SLF1: variants seen among roughly 807,000 people sequenced by gnomAD.
The protein encoded by SLF1 is SMC5-SMC6 complex localization factor protein 1.
SLF1 carries 105 observed loss-of-function variants against 123.0 expected under a neutral mutation model. That is an observed-to-expected ratio of 0.85 (90% confidence interval 0.73 to 1.00). The LOEUF is 1.00. SLF1 is among the 50% of genes least tolerant of loss of function. The probability of loss-of-function intolerance (pLI) is 0.00; values close to 1 mark genes in which losing one functional copy is unlikely to be tolerated. For synonymous variants in SLF1, 434 were observed against 406.6 expected (o/e 1.07, Z -0.81); for missense variants, 1,239 against 1,223.0 (o/e 1.01, Z -0.20).
At chr5:94,681,657 C>T (rs1333858813) in intron 15 of SLF1, among the ~76,000 whole-genome samples, 16 of 144,612 alleles carry the variant, frequency 1.1e-4, no homozygotes, top group Non-Finnish European at 2.3e-4. Flanking sequence ...CTCCCCCCAA[C>T]CCACAACAGT....
intron 5 of SLF1, among the ~76,000 whole-genome samples, chr5:94,644,069 T>A (rs957682371): frequency 6.6e-6 from 1 of 152,164 alleles, no homozygotes; most frequent in Admixed American, 6.5e-5. Context: ...ACTTCTCACA[T>A]CTGTCAACTA....
intron 4 of SLF1, among the ~76,000 whole-genome samples, chr5:94,642,971 CTT>C (rs1042539590): frequency 6.6e-6 from 1 of 151,994 alleles, no homozygotes; most frequent in Non-Finnish European, 1.5e-5. Flanking sequence ...CTTTCATTAT[CTT>C]TTGGTTTATT....
In SLF1 at chr5:94,653,349, C is replaced by A; in HGVS notation, c.960C>A (p.Ser320Arg). The change falls in exon 8 of 21, where the codon AGC (serine) becomes AGA (arginine). Residue 320 changes from serine (S) to arginine (R), a missense_variant. Transcript: ENST00000265140. The stretch of plus-strand genomic sequence containing the variant: ...GAAAACGCAAGAAAGGAAAAGAAAG[C>A]AATTGCAAGAAAGGCGTTGAACATG... ...LRRKRKKGKE[S>R]NCKKGVEHEK... is the part of the protein sequence containing the mutation. The A allele has an allele frequency of 6.5e-7, 1 of 1,527,892 alleles. No homozygotes were observed. The highest frequency in any genetic ancestry group is 1.4e-5 in the African/African-American group (1 of 70,790). The allele number at this position is 1,527,892 out of a possible 1,614,324, so 94.6% of individuals were successfully genotyped here.
intron 4 of SLF1, among the ~76,000 whole-genome samples, chr5:94,641,269 A>G (rs905565641): frequency 3.4e-5 from 5 of 148,404 alleles, no homozygotes; most frequent in African/African-American, 1.2e-4. Context: ...GAAGGGATTA[A>G]TGCCATTATC....
intron 9 of SLF1, among the ~76,000 whole-genome samples, chr5:94,661,021 G>A (rs965266123): frequency 1.1e-4 from 16 of 152,294 alleles, no homozygotes; most frequent in South Asian, 8.3e-4. Flanking sequence ...TATCAGTGGG[G>A]CTCCGGGCTT....
intron 4 of SLF1, among the ~76,000 whole-genome samples, chr5:94,631,085 A>T (rs1585106652): frequency 6.6e-6 from 1 of 152,178 alleles, no homozygotes; most frequent in East Asian, 1.9e-4. Flanking sequence ...CAAAAGCATC[A>T]TTCTGGGTTT....
Position 94,630,405 on chromosome 5 carries a change from T to C in SLF1, c.191-98T>C. On this transcript the variant is annotated intron_variant, in intron 3 of 20. Transcript: ENST00000265140. ...ATGTTAGCAGCATAGCTTAAGAGTC[T>C]TATCTTGAAAAAGGTTGACTTTTAT... 8 of 1,351,782 alleles carry C rather than the reference T, an allele frequency of 5.9e-6. 1 individual carries two copies. The South Asian group carries it at 1.1e-4, about 18-fold the overall frequency. 83.7% of individuals were successfully genotyped at this position (1,351,782 alleles called of 1,614,324 possible).
intron 12 of SLF1, among the ~76,000 whole-genome samples, chr5:94,669,427 T>G (rs1427224624): frequency 6.6e-6 from 1 of 152,164 alleles, no homozygotes; most frequent in Admixed American, 6.5e-5. Flanking sequence ...TAAATAGTGT[T>G]ACCTAGACAC....
rs192592132 is a variant in SLF1, at chr5:94,663,296, C to G, written c.1210-454C>G. Among the ~76,000 whole-genome samples, 158 of 152,324 alleles carry G rather than the reference C, an allele frequency of 1.0e-3. 2 individuals carry two copies. The highest frequency in any genetic ancestry group is 9.3e-3 in the Admixed American group (143 of 15,304). On this transcript the variant is annotated intron_variant, in intron 10 of 20. Transcript: ENST00000265140. ...TATCATCCTCTTTGAACTACATAGT[C>G]TCATCCAGCAGCAAGGCCAGGAATT... is the stretch of plus-strand genomic sequence containing the variant.
At chr5:94,634,382 C>T (rs1184842003) in intron 4 of SLF1, among the ~76,000 whole-genome samples, 1 of 152,130 alleles carries the variant, frequency 6.6e-6, no homozygotes, top group Non-Finnish European at 1.5e-5. Context: ...CTTTTAGGTT[C>T]TATAAATCTA....
chr5:94,618,960 G>A (rs1413959659), intron 1 of SLF1, among the ~76,000 whole-genome samples, 195 bp downstream of exon 1: 2 of 152,148 alleles, frequency 1.3e-5, no homozygotes, highest in Non-Finnish European at 2.9e-5. Flanking sequence ...CTTCGCGCTC[G>A]GCGCCGGAGT....
chr5:94,671,287 A>G (rs1034508212), intron 14 of SLF1, among the ~76,000 whole-genome samples: 2 of 151,770 alleles, frequency 1.3e-5, no homozygotes, highest in East Asian at 3.9e-4. Flanking sequence ...CTTTTGTGCA[A>G]TTTGATTCAT....
chr5:94,621,680 G>A (rs1791801703), intron 1 of SLF1, among the ~76,000 whole-genome samples: 2 of 152,106 alleles, frequency 1.3e-5, no homozygotes, highest in South Asian at 2.1e-4. Context: ...GTACTGGATA[G>A]ATTGGACATC....
At chr5:94,680,277 A>G (rs879647895) in intron 15 of SLF1, among the ~76,000 whole-genome samples, 10 of 152,204 alleles carry the variant, frequency 6.6e-5, no homozygotes, top group Non-Finnish European at 1.2e-4. Context: ...GAAGATTTTT[A>G]TCTAAAGCAT....
At chr5:94,629,273 G>T in intron 3 of SLF1, 106 bp downstream of exon 3, 3 of 749,116 alleles carry the variant, frequency 4.0e-6, no homozygotes, top group South Asian at 7.5e-5. Context: ...ACCTAAATGT[G>T]TTTTTCTGAT....
In SLF1 at chr5:94,649,600, A is replaced by G. The variant is rs1561440097; in HGVS notation, c.738+3A>G. The G allele has an allele frequency of 2.7e-6, 4 of 1,465,008 alleles. No individual in the cohort carries two copies. The highest frequency in any genetic ancestry group is 3.7e-6 in the Non-Finnish European group (4 of 1,091,764). 90.8% of individuals were successfully genotyped at this position (1,465,008 alleles called of 1,614,324 possible). A position where few individuals can be genotyped will look rare whatever the true frequency, so the allele number is the denominator to read the frequency against. ...GAGAGACCATGTATAGAACCCAGGT[A>G]AACTTTATAGGCTGAAAAACATACA... On this transcript the variant is annotated splice_donor_region_variant and intron_variant, in intron 6 of 20. Coordinates refer to ENST00000265140, the MANE Select transcript of SLF1 (RefSeq NM_032290.4).
In SLF1 at chr5:94,653,300, T is replaced by C. The variant is rs1327069826; in HGVS notation, c.911T>C (p.Ile304Thr). The C allele has an allele frequency of 1.9e-5, 29 of 1,531,392 alleles. No homozygotes were observed. Among genetic ancestry groups the C allele is most frequent in the Non-Finnish European group, 2.5e-5 (29 of 1,140,248 alleles). The allele number at this position is 1,531,392 out of a possible 1,614,324, so 94.9% of individuals were successfully genotyped here. A position where few individuals can be genotyped will look rare whatever the true frequency, so the allele number is the denominator to read the frequency against. ...GAAATTAAGAAAAAAGATGAAGATA[T>C]TCAGAGGAGTTATACTTTGAGGAGA... is the stretch of plus-strand genomic sequence containing the variant. ...QKEIKKKDED[I>T]QRSYTLRRKR... The change falls in exon 8 of 21, where the codon ATT (isoleucine) becomes ACT (threonine). Residue 304 changes from isoleucine (I) to threonine (T), a missense_variant. Physicochemically the swap from Ile to Thr is moderately conservative, Grantham distance 89. Transcript: ENST00000265140.
At chr5:94,690,713 T>G (rs1286499080) in intron 18 of SLF1, among the ~76,000 whole-genome samples, 1 of 152,152 alleles carries the variant, frequency 6.6e-6, no homozygotes, top group Non-Finnish European at 1.5e-5. Flanking sequence ...TCATTTTGTT[T>G]CCTAAGCAGT....
rs186520186 is a variant in SLF1 at position 94,643,637 on chromosome 5, C to T, written c.594+202C>T. Among the ~76,000 whole-genome samples, 350 of 152,064 alleles carry T rather than the reference C, an allele frequency of 2.3e-3. 4 individuals are homozygous for T. Among genetic ancestry groups the T allele is most frequent in the African/African-American group, 7.4e-3 (309 of 41,486 alleles). On this transcript the variant is annotated intron_variant, in intron 5 of 20. Coordinates refer to ENST00000265140, the MANE Select transcript of SLF1 (RefSeq NM_032290.4). ...TTCCTGTAGATTTGAAAGAAGCTTA[C>T]TAGTTAAGTTTAACATTAAGTATTT...
Sources: gnomAD v4.1 joint callset for allele counts (sites outside exome capture counted in the v4.1 genomes callset) on GRCh38, gnomAD v4.1.1 for gene constraint, MANE v1.5 for transcripts, NCBI Gene and HGNC (gene_info 2026-07-23, HGNC 2026-07-21) for gene names.